Variants in SLC39A11 observed in about 807,000 individuals in gnomAD.
SLC39A11 encodes the protein zinc transporter ZIP11.
SLC39A11 carries 33 observed loss-of-function variants against 36.1 expected under a neutral mutation model. The observed-to-expected ratio is 0.91, with a 90% confidence interval of 0.69 to 1.22. SLC39A11 has a LOEUF of 1.22. SLC39A11 is among the 50% of genes most tolerant of loss of function. The pLI, the probability that SLC39A11 is intolerant of heterozygous loss-of-function variation, is 0.00. For missense variants in SLC39A11, 432 were observed against 430.3 expected (o/e 1.00, Z -0.03); for synonymous variants, 166 against 170.3 (o/e 0.97, Z 0.20).
At chr17:72,878,125 C>T (rs2081015049) in intron 5 of SLC39A11, among the ~76,000 whole-genome samples, 1 of 151,990 alleles carries the variant, frequency 6.6e-6, no homozygotes, top group African/African-American at 2.4e-5. Context: ...CAGCTTCATC[C>T]ATGTCCCTAC....
chr17:72,763,788 G>C (rs1014919391), intron 6 of SLC39A11, among the ~76,000 whole-genome samples: 1 of 152,184 alleles, frequency 6.6e-6, no homozygotes, highest in Non-Finnish European at 1.5e-5. Flanking sequence ...GGAGCGACCA[G>C]CTTCACTTGA....
chr17:72,834,629 A>C (rs1446724466), intron 6 of SLC39A11, among the ~76,000 whole-genome samples: 1 of 144,538 alleles, frequency 6.9e-6, no homozygotes, highest in Non-Finnish European at 1.5e-5. Flanking sequence ...CTCCATAAAC[A>C]AAACAATAAA....
At chr17:72,910,659 A>ACTCATGG in intron 5 of SLC39A11, among the ~76,000 whole-genome samples, 1 of 145,114 alleles carries the variant, frequency 6.9e-6, no homozygotes, top group East Asian at 2.0e-4. Context: ...GGGCACAGTG[A>ACTCATGG]CTCATGGCTG....
intron 3 of SLC39A11, among the ~76,000 whole-genome samples, chr17:73,051,449 A>C (rs1317026578): frequency 6.6e-6 from 1 of 151,828 alleles, no homozygotes. Context: ...AATCCAGATG[A>C]CTCAGGTTTG....
chr17:72,971,336 A>ACACACACACT (rs1555657685), intron 4 of SLC39A11, among the ~76,000 whole-genome samples: 4 of 143,498 alleles, frequency 2.8e-5, no homozygotes, highest in Admixed American at 7.0e-5. Flanking sequence ...ACACACACAC[A>ACACACACACT]CTCTCTCTCT....
intron 5 of SLC39A11, among the ~76,000 whole-genome samples, chr17:72,928,092 T>C (rs915192710): frequency 3.3e-5 from 5 of 152,114 alleles, no homozygotes; most frequent in African/African-American, 9.7e-5. Flanking sequence ...GGCCTAACGA[T>C]TGGATTCTTT....
chr17:72,901,106 G>A (rs2082374716), intron 5 of SLC39A11, among the ~76,000 whole-genome samples: 1 of 152,234 alleles, frequency 6.6e-6, no homozygotes, highest in Non-Finnish European at 1.5e-5. Context: ...TCGTGTCCAA[G>A]TGAAGTCAGA....
chr17:73,064,101 T>C (rs2059926517), intron 3 of SLC39A11, among the ~76,000 whole-genome samples: 2 of 149,776 alleles, frequency 1.3e-5, no homozygotes. Context: ...AAAAAGGAAA[T>C]AAAAAAAAGA....
intron 4 of SLC39A11, among the ~76,000 whole-genome samples, chr17:73,010,779 T>C (rs1450927580): frequency 6.6e-6 from 1 of 152,208 alleles, no homozygotes; most frequent in Admixed American, 6.5e-5. Flanking sequence ...CTCCTGCGTG[T>C]TTAATTATCT....
At chr17:73,069,946 T>C (rs1344886543) in intron 3 of SLC39A11, among the ~76,000 whole-genome samples, 1 of 152,226 alleles carries the variant, frequency 6.6e-6, no homozygotes, top group Non-Finnish European at 1.5e-5. Flanking sequence ...CAAATATCTT[T>C]GGGAACAATC....
intron 6 of SLC39A11, among the ~76,000 whole-genome samples, chr17:72,802,601 AAAAAG>A (rs560327918): frequency 8.6e-5 from 13 of 150,990 alleles, no homozygotes; most frequent in East Asian, 3.9e-4. Flanking sequence ...AAAAAAAAAA[AAAAAG>A]AAAAGAAAAG....
chr17:72,706,896 T>C (rs985263185), intron 7 of SLC39A11, among the ~76,000 whole-genome samples: 5 of 152,180 alleles, frequency 3.3e-5, no homozygotes, highest in African/African-American at 1.2e-4. Flanking sequence ...GCATCAGTAT[T>C]TGAAAGTTCT....
At chr17:72,884,023 C>T (rs1045501240) in intron 5 of SLC39A11, among the ~76,000 whole-genome samples, 1 of 152,074 alleles carries the variant, frequency 6.6e-6, no homozygotes, top group African/African-American at 2.4e-5. Context: ...GGTATAGTGG[C>T]GTGCACCTGT....
intron 5 of SLC39A11, among the ~76,000 whole-genome samples, chr17:72,872,578 T>C (rs889024612): frequency 6.6e-5 from 10 of 152,220 alleles, no homozygotes; most frequent in African/African-American, 2.4e-4. Context: ...AGCTGATCCA[T>C]CTTGCTTCTA....
chr17:72,881,656 T>C (rs1250104958), intron 5 of SLC39A11, among the ~76,000 whole-genome samples: 1 of 152,226 alleles, frequency 6.6e-6, no homozygotes, highest in East Asian at 1.9e-4. Context: ...TGGCATCCCA[T>C]GGAACACGTT....
At chr17:72,962,617 A>C (rs1224269862) in intron 4 of SLC39A11, among the ~76,000 whole-genome samples, 1 of 151,746 alleles carries the variant, frequency 6.6e-6, no homozygotes, top group East Asian at 1.9e-4. Context: ...GCTCACTGTA[A>C]CCTCTGCCTC....
intron 3 of SLC39A11, among the ~76,000 whole-genome samples, chr17:73,046,895 C>T (rs1370298188): frequency 1.3e-5 from 2 of 152,106 alleles, no homozygotes; most frequent in African/African-American, 4.8e-5. Flanking sequence ...GAGCTGTAAT[C>T]TCATCACTGC....
intron 5 of SLC39A11, among the ~76,000 whole-genome samples, chr17:72,912,945 T>C (rs972675322): frequency 1.3e-5 from 2 of 152,178 alleles, no homozygotes; most frequent in African/African-American, 4.8e-5. Context: ...CCCAAGAGCT[T>C]TCCCCAGATG....
rs116048410 is a variant in SLC39A11 at position 72,958,563 on chromosome 17, G to C, written c.307-10688C>G. On this transcript the variant is annotated intron_variant, in intron 4 of 9. Transcript: ENST00000255559. ...GGACATGAATAGACAATTCTCAAAA[G>C]AAGATGGCCCGGCACAGTGGCTCAC... Among the ~76,000 whole-genome samples, 453 of 152,232 alleles carry C rather than the reference G, an allele frequency of 3.0e-3. 3 individuals carry two copies. The highest frequency in any genetic ancestry group is 0.01 in the African/African-American group (423 of 41,538).
Sources: allele counts gnomAD v4.1 joint callset (sites outside exome capture counted in the v4.1 genomes callset), GRCh38; gene constraint gnomAD v4.1.1; transcripts MANE v1.5; gene names NCBI Gene and HGNC (gene_info 2026-07-23, HGNC 2026-07-21).